PDZRN4: variants seen among roughly 807,000 people sequenced by gnomAD.
PDZRN4 encodes the protein PDZ domain containing ring finger 4.
Under a neutral mutation model 99.0 loss-of-function variants are expected in PDZRN4, and 70 were observed. The observed-to-expected ratio is 0.71, with a 90% CI of 0.58 to 0.86. PDZRN4 has a LOEUF of 0.86. Among genes scored for constraint, PDZRN4 ranks in the 40% least tolerant of loss-of-function variants. The pLI is 0.00. For missense variants in PDZRN4, 1,474 were observed against 1,331.2 expected (o/e 1.11, Z -1.67); for synonymous variants, 551 against 501.6 (o/e 1.10, Z -1.32).
At chr12:41,206,441 C>A (rs1237344383) in intron 3 of PDZRN4, among the ~76,000 whole-genome samples, 1 of 151,504 alleles carries the variant, frequency 6.6e-6, no homozygotes, top group East Asian at 1.9e-4. Context: ...TTAAATAAAT[C>A]TTTGAATGTG....
At chr12:41,389,316 C>T (rs1005631299) in intron 3 of PDZRN4, among the ~76,000 whole-genome samples, 6 of 152,034 alleles carry the variant, frequency 3.9e-5, no homozygotes, top group Non-Finnish European at 4.4e-5. Context: ...AAAACACATC[C>T]TGTTTTATCA....
chr12:41,387,084 C>G (rs75058416), intron 3 of PDZRN4, among the ~76,000 whole-genome samples: 1 of 151,972 alleles, frequency 6.6e-6, no homozygotes, highest in Non-Finnish European at 1.5e-5. Flanking sequence ...ATGAAGACAC[C>G]AAAAACAATG....
At chr12:41,498,367 A>C (rs1938049025) in intron 3 of PDZRN4, among the ~76,000 whole-genome samples, 1 of 152,116 alleles carries the variant, frequency 6.6e-6, no homozygotes, top group Non-Finnish European at 1.5e-5. Context: ...AATACCACAT[A>C]CTGGGCAATT....
chr12:41,304,144 T>A (rs932939040), intron 3 of PDZRN4, among the ~76,000 whole-genome samples: 7 of 152,202 alleles, frequency 4.6e-5, no homozygotes, highest in African/African-American at 1.4e-4. Context: ...TCTGGTGGCA[T>A]ATAGTCTCAA....
At chr12:41,253,531 A>G (rs537342141) in intron 3 of PDZRN4, among the ~76,000 whole-genome samples, 4 of 152,332 alleles carry the variant, frequency 2.6e-5, no homozygotes, top group African/African-American at 9.6e-5. Flanking sequence ...AACCCCCATT[A>G]CTGTTACTGG....
intron 3 of PDZRN4, among the ~76,000 whole-genome samples, chr12:41,457,836 G>A (rs536001815): frequency 2.0e-5 from 3 of 152,334 alleles, no homozygotes; most frequent in Admixed American, 1.3e-4. Flanking sequence ...TATTTACTGA[G>A]TGTGAATGAT....
rs76084113 is a variant in PDZRN4 at position 41,391,191 on chromosome 12, C to T, written c.844-115265C>T. On this transcript the variant is annotated intron_variant, in intron 3 of 9. Transcript: ENST00000402685. ...ATAATGTCTGGAAGCAAAGAGTGCC[C>T]CCCTGAAGAAGGTTAGGGATGGAGG... Among the ~76,000 whole-genome samples the T allele has an allele frequency of 2.0e-3, 302 of 152,238 alleles. 2 individuals are homozygous for T. Among genetic ancestry groups the T allele is most frequent in the African/African-American group, 6.9e-3 (288 of 41,538 alleles).
chr12:41,452,799 T>A (rs1952786312), intron 3 of PDZRN4, among the ~76,000 whole-genome samples: 1 of 152,234 alleles, frequency 6.6e-6, no homozygotes, highest in African/African-American at 2.4e-5. Context: ...ATATTTCATT[T>A]AGTCCAGCAT....
intron 3 of PDZRN4, among the ~76,000 whole-genome samples, chr12:41,338,990 C>T (rs975372925): frequency 6.6e-6 from 1 of 151,876 alleles, no homozygotes; most frequent in African/African-American, 2.4e-5. Context: ...GGTAAAACGT[C>T]AATACTACCA....
intron 5 of PDZRN4, among the ~76,000 whole-genome samples, chr12:41,545,791 C>T (rs1342527070): frequency 6.6e-6 from 1 of 151,780 alleles, no homozygotes; most frequent in Non-Finnish European, 1.5e-5. Context: ...CAGAGGTTTC[C>T]ATTCCATGGT....
intron 3 of PDZRN4, among the ~76,000 whole-genome samples, chr12:41,447,887 A>G (rs1368370601): frequency 6.7e-6 from 1 of 149,770 alleles, no homozygotes; most frequent in Non-Finnish European, 1.5e-5. Context: ...TAAGTATCTC[A>G]TAAAGAAAAA....
intron 3 of PDZRN4, among the ~76,000 whole-genome samples, chr12:41,240,040 A>G (rs1187158515): frequency 6.6e-6 from 1 of 152,220 alleles, no homozygotes; most frequent in African/African-American, 2.4e-5. Flanking sequence ...AAATCACTGA[A>G]GCAGGCAGCA....
chr12:41,416,603 G>A (rs1952447450), intron 3 of PDZRN4, among the ~76,000 whole-genome samples: 1 of 152,188 alleles, frequency 6.6e-6, no homozygotes, highest in Non-Finnish European at 1.5e-5. Flanking sequence ...GTTGCAGTGA[G>A]CAGAGATCGC....
At chr12:41,386,373 T>G (rs1259420083) in intron 3 of PDZRN4, among the ~76,000 whole-genome samples, 1 of 151,938 alleles carries the variant, frequency 6.6e-6, no homozygotes, top group Non-Finnish European at 1.5e-5. Context: ...GAAGTCAAAC[T>G]TTGGCAAAAA....
chr12:41,367,289 C>A (rs1217391227), intron 3 of PDZRN4, among the ~76,000 whole-genome samples: 1 of 152,002 alleles, frequency 6.6e-6, no homozygotes, highest in East Asian at 1.9e-4. Context: ...GTGGGTGGAT[C>A]ACATAAGGTC....
chr12:41,270,452 G>A (rs1951307877), intron 3 of PDZRN4, among the ~76,000 whole-genome samples: 1 of 152,014 alleles, frequency 6.6e-6, no homozygotes, highest in Admixed American at 6.6e-5. Flanking sequence ...TCACTTAATA[G>A]TAAGGGGAAC....
chr12:41,568,132 A>G (rs1194559888), intron 9 of PDZRN4, among the ~76,000 whole-genome samples: 2 of 152,210 alleles, frequency 1.3e-5, no homozygotes, highest in East Asian at 3.8e-4. Context: ...AATACAGTAC[A>G]GTAGTATTCA....
chr12:41,192,346 C>T (rs1950740786), intron 2 of PDZRN4, among the ~76,000 whole-genome samples: 1 of 152,144 alleles, frequency 6.6e-6, no homozygotes. Flanking sequence ...AGTGATCCAC[C>T]TCCCTCACCT....
intron 3 of PDZRN4, among the ~76,000 whole-genome samples, chr12:41,427,767 G>A (rs954246535): frequency 1.3e-5 from 2 of 152,156 alleles, no homozygotes; most frequent in East Asian, 1.9e-4. Context: ...ACACAACAGA[G>A]AAGGGATTTT....
Sources: gnomAD v4.1 joint callset for allele counts (sites outside exome capture counted in the v4.1 genomes callset) on GRCh38, gnomAD v4.1.1 for gene constraint, MANE v1.5 for transcripts, NCBI Gene and HGNC (gene_info 2026-07-23, HGNC 2026-07-21) for gene names.